VWA3B: variants seen among roughly 807,000 people sequenced by gnomAD.
VWA3B encodes the protein von Willebrand factor A domain-containing protein 3B.
In VWA3B, 138 loss-of-function variants were observed where a neutral mutation model predicts 158.3. That is an observed-to-expected ratio of 0.87 (90% CI 0.76 to 1.00). VWA3B has a LOEUF of 1.00. VWA3B is among the 50% of genes least tolerant of loss of function. The pLI is 0.00. For missense variants in VWA3B, 1,555 were observed against 1,565.1 expected (o/e 0.99, Z 0.11); for synonymous variants, 596 against 587.3 (o/e 1.01, Z -0.21).
intron 8 of VWA3B, among the ~76,000 whole-genome samples, chr2:98,170,957 G>A (rs1679535168): frequency 1.3e-5 from 2 of 152,302 alleles, no homozygotes; most frequent in South Asian, 4.1e-4. Flanking sequence ...TGCTGGGCAA[G>A]ACACTTATTA....
At chr2:98,254,718 GAA>G (rs34648557) in intron 20 of VWA3B, among the ~76,000 whole-genome samples, 1 of 152,190 alleles carries the variant, frequency 6.6e-6, no homozygotes, top group South Asian at 2.1e-4. Context: ...CCACTTTACC[GAA>G]AAGTTGGGCA....
chr2:98,317,273 C>T (rs1007812381), downstream of VWA3B, among the ~76,000 whole-genome samples: 3 of 152,096 alleles, frequency 2.0e-5, no homozygotes, highest in Non-Finnish European at 2.9e-5. Context: ...CAACAGCAAA[C>T]GTTTTATGAG....
chr2:98,284,012 C>G (rs1441794650), intron 22 of VWA3B, among the ~76,000 whole-genome samples: 2 of 152,234 alleles, frequency 1.3e-5, no homozygotes, highest in African/African-American at 4.8e-5. Context: ...AAGCAGGTGA[C>G]ATTCACCACC....
chr2:98,109,861 GA>G (rs2104902552), intron 2 of VWA3B, among the ~76,000 whole-genome samples: 1 of 150,900 alleles, frequency 6.6e-6, no homozygotes, highest in South Asian at 2.1e-4. Context: ...TTTCTGATGA[GA>G]AAACCACTAT....
chr2:98,150,679 C>T (rs949781579), intron 7 of VWA3B, among the ~76,000 whole-genome samples: 58 of 152,324 alleles, frequency 3.8e-4, no homozygotes, highest in Non-Finnish European at 8.4e-4. Flanking sequence ...TCCCATCACC[C>T]TCTGGGATCC....
At chr2:98,207,563 T>C (rs1574080396) in intron 12 of VWA3B, 5 of 519,478 alleles carry the variant, frequency 9.6e-6, no homozygotes, top group Non-Finnish European at 1.9e-5. Context: ...GCTGCTGAGG[T>C]CATCACAGGT....
chr2:98,267,644 G>T (rs1418975479), intron 21 of VWA3B, among the ~76,000 whole-genome samples: 2 of 151,890 alleles, frequency 1.3e-5, no homozygotes, highest in Non-Finnish European at 2.9e-5. Flanking sequence ...AAAAGCAAGA[G>T]CAAACACATT....
At chr2:98,216,982 A>ACT in intron 13 of VWA3B, 2 of 1,232,688 alleles carry the variant, frequency 1.6e-6, no homozygotes, top group Non-Finnish European at 2.1e-6. Context: ...CATTGTAAGC[A>ACT]CCCGCCCCGC....
At chr2:98,285,804 A>AC (rs1689135361) in intron 22 of VWA3B, among the ~76,000 whole-genome samples, 1 of 152,070 alleles carries the variant, frequency 6.6e-6, no homozygotes, top group African/African-American at 2.4e-5. Context: ...AAATCCAAAA[A>AC]CAAGCAAACA....
In VWA3B at chr2:98,121,432, C is replaced by G; in HGVS notation, c.676C>G (p.Leu226Val). ...TVSEAGRLDA[L>V]LEAGRDKTIE... is the part of the protein sequence containing the mutation. ...GAGCGAGGCTGGCCGCCTGGATGCT[C>G]TGCTGGAAGCCGGGAGAGACAAGAC... The change falls in exon 5 of 28, where the codon CTG (leucine) becomes GTG (valine). Residue 226 changes from leucine (L) to valine (V), a missense_variant. Leu to Val is a conservative substitution (Grantham distance 32). Coordinates refer to ENST00000477737, the MANE Select transcript of VWA3B (RefSeq NM_144992.5). 2 of 1,614,118 alleles carry G rather than the reference C, an allele frequency of 1.2e-6. No homozygotes were observed. Among genetic ancestry groups the G allele is most frequent in the South Asian group, 1.1e-5 (1 of 91,068 alleles).
chr2:98,313,791 G>A (rs1276539084), downstream of VWA3B, among the ~76,000 whole-genome samples: 1 of 152,144 alleles, frequency 6.6e-6, no homozygotes, highest in African/African-American at 2.4e-5. Context: ...TATGAGCAGA[G>A]ACAAATGACT....
intron 7 of VWA3B, among the ~76,000 whole-genome samples, chr2:98,153,502 T>G (rs1226087346): frequency 6.6e-6 from 1 of 152,212 alleles, no homozygotes; most frequent in Non-Finnish European, 1.5e-5. Flanking sequence ...AAGGACACAT[T>G]CAGGCTGCTA....
At chr2:98,106,151 A>C (rs1323339565) in intron 2 of VWA3B, among the ~76,000 whole-genome samples, 1 of 151,956 alleles carries the variant, frequency 6.6e-6, no homozygotes, top group Non-Finnish European at 1.5e-5. Flanking sequence ...TCCTGACCTC[A>C]TGATCCGCCC....
chr2:98,181,211 C>G lies in VWA3B; in HGVS notation c.1310C>G (p.Ala437Gly). The change falls in exon 9 of 28, where the codon GCG becomes GGG. Residue 437 changes from alanine to glycine, a missense_variant and splice_region_variant. Ala to Gly is a moderately conservative substitution (Grantham distance 60). Coordinates refer to ENST00000477737, the MANE Select transcript of VWA3B (RefSeq NM_144992.5). ...GAGAATGAGTCCGTGCAGACCAGTG[C>G]GGTAGGTGAAGTGCACTCCTGGGAG... ...KPENESVQTS[A>G]ETNKKTVHAK... 1 of 1,613,408 alleles carries G rather than the reference C, an allele frequency of 6.2e-7. No individual in the cohort carries two copies. The highest frequency in any genetic ancestry group is 8.5e-7 in the Non-Finnish European group (1 of 1,179,548).
At chr2:98,190,326 C>T (rs1172219484) in intron 10 of VWA3B, among the ~76,000 whole-genome samples, 3 of 152,134 alleles carry the variant, frequency 2.0e-5, no homozygotes, top group East Asian at 1.9e-4. Context: ...CTCCCACTTA[C>T]GCCCTTTCTA....
In VWA3B at chr2:98,312,492, T is replaced by C; in HGVS notation, c.*143T>C. On this transcript the variant is annotated 3_prime_UTR_variant, in exon 28 of 28. Transcript: ENST00000477737. Reference sequence around the variant, plus strand: ...TGCCTGCCCTGTCTGTAGCAAAGACTCCTCTCCCCTCCATCCCTGCTGCCT... The same window carrying C: ...TGCCTGCCCTGTCTGTAGCAAAGACCCCTCTCCCCTCCATCCCTGCTGCCT... 2 of 987,650 alleles carry C rather than the reference T, an allele frequency of 2.0e-6. No homozygotes were observed. Among genetic ancestry groups the C allele is most frequent in the Non-Finnish European group, 1.4e-6 (1 of 697,496 alleles). The allele number at this position is 987,650 out of a possible 1,614,324, so 61.2% of individuals were successfully genotyped here. A position where few individuals can be genotyped will look rare whatever the true frequency, so the allele number is the denominator to read the frequency against.
In VWA3B at chr2:98,297,938, A is replaced by G. The variant is rs1386754234; in HGVS notation, c.3189A>G (p.Gln1063=). 10 of 1,580,296 alleles carry G rather than the reference A, an allele frequency of 6.3e-6. No individual in the cohort carries two copies. In the South Asian group the frequency reaches 1.0e-4, roughly 16 times the overall value. The change falls in exon 24 of 28, where the codon CAA becomes CAG. Residue 1063 remains glutamine, a synonymous_variant. Transcript: ENST00000477737. ...GVVKKCVSRT[Q]ALVGFSYGDT... ...TGAAGAAGTGTGTGAGCCGCACCCAAGCACTGGTGGGCTTCAGTTACGGAG... is the reference window on the plus strand; with the variant it reads ...TGAAGAAGTGTGTGAGCCGCACCCAGGCACTGGTGGGCTTCAGTTACGGAG...
intron 22 of VWA3B, among the ~76,000 whole-genome samples, chr2:98,282,171 C>T (rs990341354): frequency 6.6e-6 from 1 of 152,114 alleles, no homozygotes; most frequent in African/African-American, 2.4e-5. Context: ...AGGGATGGCA[C>T]CTCTAGCTGC....
chr2:98,160,424 A>G (rs2105228361), intron 7 of VWA3B, among the ~76,000 whole-genome samples: 1 of 152,174 alleles, frequency 6.6e-6, no homozygotes, highest in Non-Finnish European at 1.5e-5. Flanking sequence ...CTTCATCACG[A>G]TCACTAGACT....
Sources: allele counts gnomAD v4.1 joint callset (sites outside exome capture counted in the v4.1 genomes callset), GRCh38; gene constraint gnomAD v4.1.1; transcripts MANE v1.5; gene names NCBI Gene and HGNC (gene_info 2026-07-23, HGNC 2026-07-21).